TXNRD2: variants seen among roughly 807,000 people sequenced by gnomAD.
TXNRD2 encodes thioredoxin reductase 2, also known as thioredoxin reductase 2, mitochondrial.
TXNRD2 carries 67 observed loss-of-function variants against 70.8 expected under a neutral mutation model. The observed-to-expected ratio is 0.95, with a 90% CI of 0.78 to 1.16. The LOEUF is 1.16. Among genes scored for constraint, TXNRD2 ranks in the 50% most tolerant of loss-of-function variants. The probability of loss-of-function intolerance (pLI) is 0.00; values close to 1 mark genes in which losing one functional copy is unlikely to be tolerated. For synonymous variants in TXNRD2, 301 were observed against 295.8 expected, an observed-to-expected ratio of 1.02 and a Z score of -0.18; for missense variants, 644 against 719.9, an observed-to-expected ratio of 0.89 and a Z score of 1.21.
intron 1 of TXNRD2, among the ~76,000 whole-genome samples, chr22:19,937,720 T>A (rs1941579154): frequency 6.6e-6 from 1 of 152,140 alleles, no homozygotes; most frequent in South Asian, 2.1e-4. Flanking sequence ...GTTAAAAACT[T>A]AAAAGCGGCC....
At chr22:19,880,953 A>C (rs998636472) in intron 12 of TXNRD2, 13 of 592,140 alleles carry the variant, frequency 2.2e-5, no homozygotes, top group African/African-American at 5.6e-5. Flanking sequence ...GCCCTGGGAA[A>C]GGAGTCCGCT....
intron 1 of TXNRD2, chr22:19,938,085 C>T (rs1291054534): frequency 6.6e-6 from 1 of 152,236 alleles, no homozygotes; most frequent in Non-Finnish European, 1.5e-5. Flanking sequence ...TACCATTCCT[C>T]TAAATTTACT....
At chr22:19,920,299 C>T (rs1043712501) in intron 2 of TXNRD2, among the ~76,000 whole-genome samples, 1 of 152,190 alleles carries the variant, frequency 6.6e-6, no homozygotes, top group African/African-American at 2.4e-5. Flanking sequence ...TAGCCAGGAC[C>T]GGGCATGGTG....
intron 7 of TXNRD2, among the ~76,000 whole-genome samples, chr22:19,912,917 C>T (rs1940477789): frequency 6.6e-6 from 1 of 152,228 alleles, no homozygotes; most frequent in South Asian, 2.1e-4. Context: ...TCTGCCTCCA[C>T]CGGACTGCCC....
chr22:19,909,774 CCACA>C (rs1211256514), intron 8 of TXNRD2, among the ~76,000 whole-genome samples: 15 of 108,824 alleles, frequency 1.4e-4, no homozygotes, highest in African/African-American at 4.6e-4. Context: ...CACACACACA[CCACA>C]CACACCACAC....
chr22:19,878,939 C>T (rs3827288), intron 14 of TXNRD2, among the ~76,000 whole-genome samples: 26,350 of 152,230 alleles, frequency 0.17, 3,018 homozygotes, highest in East Asian at 0.38. Context: ...GGCTCGACAG[C>T]GTGTCCGGGG....
At chr22:19,896,355 C>T (rs1939509102) in intron 10 of TXNRD2, among the ~76,000 whole-genome samples, 1 of 152,048 alleles carries the variant, frequency 6.6e-6, no homozygotes, top group Non-Finnish European at 1.5e-5. Flanking sequence ...TACATCTACA[C>T]ATTTCTTTAA....
chr22:19,899,377 C>T (rs1939668719), intron 8 of TXNRD2, among the ~76,000 whole-genome samples: 1 of 152,254 alleles, frequency 6.6e-6, no homozygotes, highest in African/African-American at 2.4e-5. Flanking sequence ...CTTTCCTTCT[C>T]TCCCCCCGGG....
At chr22:19,881,072 C>T (rs1260574481) in intron 12 of TXNRD2, 4 of 463,674 alleles carry the variant, frequency 8.6e-6, no homozygotes, top group African/African-American at 7.8e-5. Context: ...TCAAAAGAGC[C>T]CCTGCTACCG....
intron 8 of TXNRD2, among the ~76,000 whole-genome samples, chr22:19,906,433 T>C (rs957458583): frequency 1.3e-5 from 2 of 152,060 alleles, no homozygotes; most frequent in African/African-American, 4.8e-5. Flanking sequence ...AAGACTAGCC[T>C]GGGCCACATA....
intron 1 of TXNRD2, among the ~76,000 whole-genome samples, chr22:19,932,160 C>CAAAAAAAAAA (rs35254160): frequency 1.2e-5 from 1 of 80,990 alleles, no homozygotes; most frequent in Non-Finnish European, 2.6e-5. Context: ...GACTCCGTCT[C>CAAAAAAAAAA]AAAAAAAAAA....
chr22:19,927,677 G>GA (rs1941203641), intron 2 of TXNRD2, among the ~76,000 whole-genome samples: 2 of 137,466 alleles, frequency 1.5e-5, no homozygotes, highest in Non-Finnish European at 3.2e-5. Context: ...AAAAAGAAAA[G>GA]AAAGAAAGAA....
At chr22:19,888,678 G>A (rs959240874) in intron 11 of TXNRD2, among the ~76,000 whole-genome samples, 10 of 152,030 alleles carry the variant, frequency 6.6e-5, no homozygotes, top group African/African-American at 2.2e-4. Context: ...TGGGCGATGC[G>A]AGGCGGGCAC....
chr22:19,916,100 C>T (rs1324108918), intron 5 of TXNRD2: 4 of 468,906 alleles, frequency 8.5e-6, no homozygotes, highest in African/African-American at 4.0e-5. Context: ...CAGCTCAGCA[C>T]GGTCCTAAGA....
intron 8 of TXNRD2, among the ~76,000 whole-genome samples, chr22:19,900,749 CAA>C (rs35153715): frequency 7.1e-4 from 101 of 141,474 alleles, no homozygotes; most frequent in African/African-American, 7.6e-4. Flanking sequence ...GACTCCATCA[CAA>C]AAAAAAAAAA....
intron 10 of TXNRD2, among the ~76,000 whole-genome samples, chr22:19,897,578 T>C (rs1160889005): frequency 6.6e-6 from 1 of 152,202 alleles, no homozygotes; most frequent in Non-Finnish European, 1.5e-5. Flanking sequence ...TCCCACGGGC[T>C]GTCTCGGAGC....
intron 8 of TXNRD2, among the ~76,000 whole-genome samples, chr22:19,900,805 G>A (rs1005281866): frequency 6.6e-6 from 1 of 152,132 alleles, no homozygotes; most frequent in African/African-American, 2.4e-5. Flanking sequence ...ACAGAACTCT[G>A]CTGCTTTGCA....
At chr22:19,879,594 C>T (rs954696997) in intron 14 of TXNRD2, among the ~76,000 whole-genome samples, 11 of 146,426 alleles carry the variant, frequency 7.5e-5, no homozygotes, top group African/African-American at 2.8e-4. Context: ...CCTGGGCAGT[C>T]CAGGAAGACG....
intron 11 of TXNRD2, chr22:19,887,505 C>T (rs531601942): frequency 6.6e-6 from 1 of 152,366 alleles, no homozygotes; most frequent in South Asian, 2.1e-4. Flanking sequence ...CAAGGGCCTC[C>T]ACACGGGCCA....
Sources: allele counts gnomAD v4.1 joint callset (sites outside exome capture counted in the v4.1 genomes callset), GRCh38; gene constraint gnomAD v4.1.1; transcripts MANE v1.5; gene names NCBI Gene and HGNC (gene_info 2026-07-23, HGNC 2026-07-21).